Variants in MPDZ observed in about 807,000 individuals in gnomAD.
The protein encoded by MPDZ is multiple PDZ domain crumbs cell polarity complex component.
Under a neutral mutation model 239.1 loss-of-function variants are expected in MPDZ, and 234 were observed. That is an observed-to-expected ratio of 0.98 (90% confidence interval 0.88 to 1.09). The LOEUF is 1.09. Among genes scored for constraint, MPDZ ranks in the 50% least tolerant of loss-of-function variants. MPDZ has a pLI of 0.00. For synonymous variants in MPDZ, 1,048 were observed against 881.3 expected, an observed-to-expected ratio of 1.19 and a Z score of -3.35; for missense variants, 3,175 against 2,510.0, an observed-to-expected ratio of 1.26 and a Z score of -5.66.
chr9:13,229,941 T>C (rs1164095745), intron 3 of MPDZ, among the ~76,000 whole-genome samples: 1 of 152,066 alleles, frequency 6.6e-6, no homozygotes, highest in East Asian at 1.9e-4. Flanking sequence ...AGGATACATA[T>C]ATCTGACATA....
rs1331078815 is a variant in MPDZ, at chr9:13,115,346, C to A, written c.5380-12G>T. 6.2e-7 allele frequency: 1 copy of A among 1,600,198 alleles called. No homozygotes were observed. Among genetic ancestry groups the A allele is most frequent in the East Asian group, 2.2e-5 (1 of 44,790 alleles). ...GTGCCTAGGGAACACTGGGGGTGGGCATGGGGGGTGTTTTATGGAAATGTT... is the reference window on the plus strand; with the variant it reads ...GTGCCTAGGGAACACTGGGGGTGGGAATGGGGGGTGTTTTATGGAAATGTT... On this transcript the variant is annotated splice_polypyrimidine_tract_variant and intron_variant, in intron 39 of 46. Coordinates refer to ENST00000319217, the MANE Select transcript of MPDZ (RefSeq NM_001378778.1).
chr9:13,260,028 G>C (rs1201907487), intron 1 of MPDZ, among the ~76,000 whole-genome samples: 2 of 151,220 alleles, frequency 1.3e-5, no homozygotes, highest in African/African-American at 4.9e-5. Flanking sequence ...TTTTAGTAGA[G>C]ACACAGTTTT....
intron 12 of MPDZ, among the ~76,000 whole-genome samples, chr9:13,201,770 T>A (rs755929747): frequency 1.1e-3 from 163 of 152,200 alleles, no homozygotes; most frequent in Non-Finnish European, 2.0e-3. Context: ...TATCTTTTAT[T>A]TATAAAAGAT....
intron 1 of MPDZ, among the ~76,000 whole-genome samples, chr9:13,266,831 G>A (rs1429171215): frequency 6.6e-6 from 1 of 152,154 alleles, no homozygotes; most frequent in Non-Finnish European, 1.5e-5. Context: ...GGATTTGGGG[G>A]CAGAGAAAGA....
intron 12 of MPDZ, among the ~76,000 whole-genome samples, chr9:13,200,607 G>T (rs1227167894): frequency 6.6e-6 from 1 of 151,868 alleles, no homozygotes; most frequent in Non-Finnish European, 1.5e-5. Context: ...GGTTTGGTAT[G>T]CTGTGTTCCC....
At chr9:13,107,134 GTTTATTTCTC>G in intron 46 of MPDZ, 23 bp from the exon 47 acceptor site, 1 of 1,533,632 alleles carries the variant, frequency 6.5e-7, no homozygotes. Flanking sequence ...AAGTAGACTT[GTTTATTTCTC>G]AAAAAATGCT....
intron 1 of MPDZ, among the ~76,000 whole-genome samples, chr9:13,258,020 A>G (rs1022019900): frequency 3.3e-5 from 5 of 152,242 alleles, no homozygotes; most frequent in African/African-American, 1.2e-4. Flanking sequence ...CTAATCCTTA[A>G]TAAATCTCAA....
At position 13,115,348 on chromosome 9, in the gene MPDZ, TG is replaced by T; in HGVS notation, c.5380-15del. The T allele has an allele frequency of 1.3e-6, 2 of 1,595,834 alleles. No individual in the cohort carries two copies. The highest frequency in any genetic ancestry group is 1.3e-5 in the African/African-American group (1 of 74,686). ...GCCTAGGGAACACTGGGGGTGGGCATGGGGGGTGTTTTATGGAAATGTTTAA... is the reference window on the plus strand; with the variant it reads ...GCCTAGGGAACACTGGGGGTGGGCATGGGGGTGTTTTATGGAAATGTTTAA... On this transcript the variant is annotated splice_polypyrimidine_tract_variant and intron_variant, in intron 39 of 46. Transcript: ENST00000319217.
rs73647115 is a variant in MPDZ at position 13,190,629 on chromosome 9, T to G, written c.1969-330A>C. ...TCAATCATCTCTAGTCAGAAAAAAA[T>G]GTAAAGCTATTTTGATATTAAATAA... is the stretch of plus-strand genomic sequence containing the variant. On this transcript the variant is annotated intron_variant, in intron 15 of 46. Coordinates refer to ENST00000319217, the MANE Select transcript of MPDZ (RefSeq NM_001378778.1). 2.9e-3 allele frequency among the ~76,000 whole-genome samples: 438 copies of G among 152,142 alleles called. 4 individuals carry two copies. The highest frequency in any genetic ancestry group is 0.01 in the African/African-American group (419 of 41,512).
At chr9:13,132,804 C>T (rs1440978156) in intron 32 of MPDZ, among the ~76,000 whole-genome samples, 1 of 152,118 alleles carries the variant, frequency 6.6e-6, no homozygotes, top group African/African-American at 2.4e-5. Context: ...AAGTCACAGT[C>T]TCATAGATAG....
chr9:13,256,751 A>T (rs1455726386), intron 1 of MPDZ, among the ~76,000 whole-genome samples: 2 of 152,182 alleles, frequency 1.3e-5, no homozygotes, highest in Non-Finnish European at 2.9e-5. Context: ...TGTAACAGAC[A>T]TAATAATAAT....
At position 13,157,998 on chromosome 9, in the gene MPDZ, A is replaced by C; in HGVS notation, c.3452+20T>G. ...CACTATATATCCATTGGGTGGACAG[A>C]AGACAGAAATAGTCCTTACCGCCTG... is the stretch of plus-strand genomic sequence containing the variant. On this transcript the variant is annotated intron_variant, in intron 24 of 46. Coordinates refer to ENST00000319217, the MANE Select transcript of MPDZ (RefSeq NM_001378778.1). 1 of 1,603,454 alleles carries C rather than the reference A, an allele frequency of 6.2e-7. No individual in the cohort carries two copies. Among genetic ancestry groups the C allele is most frequent in the Non-Finnish European group, 8.5e-7 (1 of 1,171,608 alleles).
intron 18 of MPDZ, among the ~76,000 whole-genome samples, chr9:13,184,218 C>G (rs1953774662): frequency 1.3e-5 from 2 of 151,944 alleles, no homozygotes; most frequent in South Asian, 4.1e-4. Context: ...GAGAATTTCA[C>G]TACATATTCT....
chr9:13,223,375 T>C (rs1041764411), intron 5 of MPDZ, among the ~76,000 whole-genome samples, 196 bp downstream of exon 5: 1 of 152,096 alleles, frequency 6.6e-6, no homozygotes, highest in African/African-American at 2.4e-5. Context: ...GTTATGACTA[T>C]ATCTAAAAGC....
intron 10 of MPDZ, among the ~76,000 whole-genome samples, chr9:13,215,645 AT>A (rs751003438): frequency 1.3e-5 from 2 of 151,294 alleles, no homozygotes; most frequent in Non-Finnish European, 2.9e-5. Context: ...TTCCCTCAAG[AT>A]GTCTTTCAAA....
At chr9:13,268,915 G>A (rs1486646398) in intron 1 of MPDZ, among the ~76,000 whole-genome samples, 2 of 152,188 alleles carry the variant, frequency 1.3e-5, no homozygotes, top group Non-Finnish European at 2.9e-5. Flanking sequence ...TACAGGGATA[G>A]AGAAAATTTA....
intron 10 of MPDZ, among the ~76,000 whole-genome samples, chr9:13,208,114 T>C (rs1297278128): frequency 6.6e-6 from 1 of 152,180 alleles, no homozygotes; most frequent in Non-Finnish European, 1.5e-5. Context: ...GTAATTCAGA[T>C]GTTTACTAAC....
intron 22 of MPDZ, among the ~76,000 whole-genome samples, chr9:13,163,571 T>C (rs1016359327): frequency 1.3e-5 from 2 of 152,144 alleles, no homozygotes; most frequent in Non-Finnish European, 2.9e-5. Flanking sequence ...TGTCCTGCTG[T>C]CCTGCTTCTG....
At chr9:13,278,067 T>C (rs1321964353) in intron 1 of MPDZ, among the ~76,000 whole-genome samples, 2 of 152,172 alleles carry the variant, frequency 1.3e-5, no homozygotes, top group African/African-American at 4.8e-5. Context: ...ATTTATTCTA[T>C]AAAGGGTAAC....
Sources: gnomAD v4.1 joint callset for allele counts (sites outside exome capture counted in the v4.1 genomes callset) on GRCh38, gnomAD v4.1.1 for gene constraint, MANE v1.5 for transcripts, NCBI Gene and HGNC (gene_info 2026-07-23, HGNC 2026-07-21) for gene names.